EIF4G3: variants seen among roughly 807,000 people sequenced by gnomAD.
EIF4G3 encodes the protein eukaryotic translation initiation factor 4 gamma 3.
EIF4G3 carries 34 observed loss-of-function variants against 186.4 expected under a neutral mutation model. The ratio of observed to expected loss-of-function variants is 0.18; its 90% confidence interval spans 0.14 to 0.24. The LOEUF is 0.24. Among genes scored for constraint, EIF4G3 ranks in the 10% least tolerant of loss-of-function variants. The pLI, the probability that EIF4G3 is intolerant of heterozygous loss-of-function variation, is 1.00. For missense variants in EIF4G3, 1,536 were observed against 1,948.5 expected (o/e 0.79, Z 3.99); for synonymous variants, 673 against 679.5 (o/e 0.99, Z 0.15).
chr1:21,148,366 C>A (rs2097489078), intron 2 of EIF4G3, among the ~76,000 whole-genome samples: 1 of 152,112 alleles, frequency 6.6e-6, no homozygotes, highest in Non-Finnish European at 1.5e-5. Flanking sequence ...GCCACCCTGC[C>A]TGGTCTCAGC....
At chr1:21,117,532 A>C (rs921483170) in intron 2 of EIF4G3, among the ~76,000 whole-genome samples, 1 of 151,912 alleles carries the variant, frequency 6.6e-6, no homozygotes, top group African/African-American at 2.4e-5. Context: ...GCAACTATTT[A>C]TTTTTAAATA....
intron 13 of EIF4G3, among the ~76,000 whole-genome samples, chr1:20,948,669 T>C (rs1023492788): frequency 6.6e-6 from 1 of 152,156 alleles, no homozygotes; most frequent in African/African-American, 2.4e-5. Context: ...AAACCTTTAA[T>C]ATTAAATATA....
chr1:21,069,946 C>T (rs1024405636), intron 3 of EIF4G3, among the ~76,000 whole-genome samples: 1 of 152,110 alleles, frequency 6.6e-6, no homozygotes, highest in African/African-American at 2.4e-5. Flanking sequence ...GAAATATACT[C>T]AATCATGGTT....
chr1:20,925,218 G>C (rs1373556586), intron 14 of EIF4G3, among the ~76,000 whole-genome samples: 1 of 152,108 alleles, frequency 6.6e-6, no homozygotes, highest in East Asian at 1.9e-4. Flanking sequence ...TCATTTGTAA[G>C]ATATACAGAA....
At chr1:20,962,598 C>G (rs2154564774) in intron 12 of EIF4G3, among the ~76,000 whole-genome samples, 1 of 152,332 alleles carries the variant, frequency 6.6e-6, no homozygotes, top group East Asian at 1.9e-4. Context: ...CTTGGAAGTA[C>G]TGCCAGCATC....
intron 2 of EIF4G3, chr1:21,167,912 A>G (rs569351029): frequency 6.1e-6 from 2 of 326,730 alleles, no homozygotes; most frequent in East Asian, 2.1e-4. Flanking sequence ...AATCTTGCAA[A>G]TAATGCAAAA....
chr1:20,835,679 C>A lies in EIF4G3; in HGVS notation c.4061+5177G>T, dbSNP rs187965191. Among the ~76,000 whole-genome samples, 380 of 152,234 alleles carry A rather than the reference C, an allele frequency of 2.5e-3. 1 individual carries two copies. The highest frequency in any genetic ancestry group is 4.5e-3 in the Non-Finnish European group (303 of 68,002). On this transcript the variant is annotated intron_variant, in intron 30 of 36. Coordinates refer to ENST00000602326, the MANE Select transcript of EIF4G3 (RefSeq NM_001391906.1). ...TCATGGCCAGGTGCACTGCCTTAAA[C>A]CTGTAATCCCAGCACTTTGAGAGGC...
chr1:20,885,915 A>G (rs1451866387), intron 19 of EIF4G3, among the ~76,000 whole-genome samples: 2 of 152,224 alleles, frequency 1.3e-5, no homozygotes, highest in African/African-American at 4.8e-5. Context: ...CTAAAAATGT[A>G]TTTTAAAGAA....
chr1:21,027,140 C>G (rs1009423724), intron 4 of EIF4G3, among the ~76,000 whole-genome samples: 5 of 151,620 alleles, frequency 3.3e-5, no homozygotes, highest in Admixed American at 2.0e-4. Context: ...TGGTATATAT[C>G]ACCTCCTCAC....
At chr1:21,102,124 G>A (rs951659138) in intron 2 of EIF4G3, among the ~76,000 whole-genome samples, 1 of 152,068 alleles carries the variant, frequency 6.6e-6, no homozygotes, top group Non-Finnish European at 1.5e-5. Context: ...GAGGAAAAAA[G>A]ACAAACACCA....
At chr1:20,888,436 T>C (rs2084922568) in intron 18 of EIF4G3, among the ~76,000 whole-genome samples, 1 of 152,206 alleles carries the variant, frequency 6.6e-6, no homozygotes, top group Admixed American at 6.5e-5. Flanking sequence ...TAGCTATTAA[T>C]AGATCTACTA....
intron 6 of EIF4G3, among the ~76,000 whole-genome samples, chr1:20,998,074 TTA>T (rs2082681652): frequency 6.6e-6 from 1 of 152,038 alleles, no homozygotes; most frequent in East Asian, 1.9e-4. Context: ...CAGGAGATAA[TTA>T]TAAAGTCCAG....
At chr1:20,981,507 TACTGTATATATACATACATACATGTATAC>T (rs2077985776) in intron 8 of EIF4G3, among the ~76,000 whole-genome samples, 4 of 82,784 alleles carry the variant, frequency 4.8e-5, no homozygotes, top group East Asian at 2.2e-4. Flanking sequence ...TATACGCACA[TACTGTATATATACATACATACATGTATAC>T]GCACATACTG....
In EIF4G3 at chr1:21,077,388, A is replaced by G. The variant is rs180874840; in HGVS notation, c.-196+11750T>C. Among the ~76,000 whole-genome samples the G allele has an allele frequency of 1.1e-3, 167 of 151,350 alleles. 1 individual carries two copies. Among genetic ancestry groups the G allele is most frequent in the Non-Finnish European group, 2.2e-3 (152 of 67,806 alleles). On this transcript the variant is annotated intron_variant, in intron 3 of 36. Coordinates refer to ENST00000602326, the MANE Select transcript of EIF4G3 (RefSeq NM_001391906.1). ...TGTCCTCCAGCCTGGGCAACAGAGC[A>G]AGGCCCTGTCTAGAAAAAAAAAAAA...
chr1:20,921,685 C>A (rs1349697365), intron 14 of EIF4G3, among the ~76,000 whole-genome samples: 2 of 152,134 alleles, frequency 1.3e-5, no homozygotes, highest in East Asian at 3.8e-4. Flanking sequence ...CTGATATTGC[C>A]AGGTGAGGAG....
intron 2 of EIF4G3, among the ~76,000 whole-genome samples, chr1:21,159,446 G>GA (rs1022474428): frequency 5.6e-5 from 8 of 141,816 alleles, no homozygotes; most frequent in African/African-American, 1.3e-4. Flanking sequence ...AAAAAAAAAA[G>GA]AAAAAAAAAG....
chr1:20,862,429 T>G, intron 22 of EIF4G3, 97 bp from the exon 23 acceptor site: 1 of 757,692 alleles, frequency 1.3e-6, no homozygotes, highest in Non-Finnish European at 2.1e-6. Flanking sequence ...CTATTTATTT[T>G]TTTAGAGATG....
intron 4 of EIF4G3, among the ~76,000 whole-genome samples, chr1:21,035,060 T>C (rs567665680): frequency 9.3e-4 from 142 of 152,074 alleles, no homozygotes; most frequent in African/African-American, 3.3e-3. Flanking sequence ...CAGGAGTGGC[T>C]GTAGGAGCAG....
chr1:21,048,040 T>C (rs1052940671), intron 4 of EIF4G3, among the ~76,000 whole-genome samples: 4 of 152,140 alleles, frequency 2.6e-5, no homozygotes, highest in Non-Finnish European at 5.9e-5. Flanking sequence ...TGCAACACAA[T>C]ATTTGGTGGC....
Sources: allele counts gnomAD v4.1 joint callset (sites outside exome capture counted in the v4.1 genomes callset), GRCh38; gene constraint gnomAD v4.1.1; transcripts MANE v1.5; gene names NCBI Gene and HGNC (gene_info 2026-07-23, HGNC 2026-07-21).